The following PKHD1 variants were observed in gnomAD, a reference collection of about 807,000 sequenced individuals.
PKHD1 encodes the protein fibrocystin.
In PKHD1, 291 loss-of-function variants were observed where a neutral mutation model predicts 412.0. The ratio of observed to expected loss-of-function variants is 0.71; its 90% confidence interval spans 0.64 to 0.78. The LOEUF (loss-of-function observed/expected upper bound fraction) is 0.78. Among genes scored for constraint, PKHD1 ranks in the 30% least tolerant of loss-of-function variants. The pLI is 0.00. For missense variants in PKHD1, 4,825 were observed against 4,950.7 expected, an observed-to-expected ratio of 0.97 and a Z score of 0.76; for synonymous variants, 1,777 against 1,821.5, an observed-to-expected ratio of 0.98 and a Z score of 0.62.
chr6:51,701,677 T>C (rs900437470), intron 60 of PKHD1, among the ~76,000 whole-genome samples: 2 of 152,040 alleles, frequency 1.3e-5, no homozygotes, highest in African/African-American at 2.4e-5. Context: ...GAAATAGATA[T>C]AGGTGAGACA....
chr6:51,733,732 T>C (rs1783508548), intron 60 of PKHD1, among the ~76,000 whole-genome samples: 1 of 152,184 alleles, frequency 6.6e-6, no homozygotes, highest in African/African-American at 2.4e-5. Flanking sequence ...TCTTTGAATA[T>C]GTAAAATGCT....
At chr6:51,763,916 T>C (rs1212220058) in intron 55 of PKHD1, among the ~76,000 whole-genome samples, 1 of 151,844 alleles carries the variant, frequency 6.6e-6, no homozygotes, top group African/African-American at 2.4e-5. Context: ...CTACAACAGC[T>C]TCACAATGCT....
intron 36 of PKHD1, among the ~76,000 whole-genome samples, chr6:51,945,935 A>C (rs1789393723): frequency 6.6e-6 from 1 of 152,216 alleles, no homozygotes; most frequent in South Asian, 2.1e-4. Flanking sequence ...TTAAGGAAAA[A>C]CATGTGTGAA....
At chr6:52,041,921 A>C (rs2128180387) in intron 27 of PKHD1, among the ~76,000 whole-genome samples, 1 of 152,322 alleles carries the variant, frequency 6.6e-6, no homozygotes, top group Middle Eastern at 3.4e-3. Context: ...GTTTGCCTTA[A>C]GGTGGAGGGA....
Position 51,672,561 on chromosome 6 carries a change from G to T in PKHD1, c.10157-12592C>A, listed in dbSNP as rs1581990012. Among the ~76,000 whole-genome samples the T allele has an allele frequency of 2.0e-5, 3 of 152,192 alleles. No individual in the cohort carries two copies. In the East Asian group the frequency reaches 5.8e-4, roughly 29 times the overall value. ...GAAAATTTAGTCTGCCCGTGTTGTG[G>T]AGAATGTATGAGTACATGCTTTGGC... On this transcript the variant is annotated intron_variant, in intron 60 of 66. Coordinates refer to ENST00000371117, the MANE Select transcript of PKHD1 (RefSeq NM_138694.4).
Position 51,911,676 on chromosome 6 carries a change from G to T in PKHD1, c.6490+123C>A, listed in dbSNP as rs1020685599. The T allele has an allele frequency of 3.6e-5, 30 of 828,316 alleles. No individual in the cohort carries two copies. In the African/African-American group the frequency reaches 4.2e-4, roughly 12 times the overall value. The allele number at this position is 828,316 out of a possible 1,614,324, so 51.3% of individuals were successfully genotyped here. A position where few individuals can be genotyped will look rare whatever the true frequency, so the allele number is the denominator to read the frequency against. On this transcript the variant is annotated intron_variant, in intron 39 of 66. Transcript: ENST00000371117. ...TTCTGAAAACTACAGAAAAGTATGGGCATCCAAAGTTTAAGGGCTTATTCT... is the reference window on the plus strand; with the variant it reads ...TTCTGAAAACTACAGAAAAGTATGGTCATCCAAAGTTTAAGGGCTTATTCT...
chr6:51,911,626 G>A (rs1458869299), intron 39 of PKHD1, among the ~76,000 whole-genome samples, 173 bp downstream of exon 39: 1 of 151,886 alleles, frequency 6.6e-6, no homozygotes. Flanking sequence ...GGGCAGAGAG[G>A]AGGATGAAAT....
intron 13 of PKHD1, among the ~76,000 whole-genome samples, chr6:52,064,338 GTGCTC>G (rs1226549408): frequency 6.6e-6 from 1 of 152,180 alleles, no homozygotes. Context: ...CTCCAGTATT[GTGCTC>G]TTAATTTGCT....
rs1383251442 is a variant in PKHD1 at position 51,659,589 on chromosome 6, T to A, written c.10537A>T (p.Ser3513Cys). Residue 3513 changes from serine to cysteine, a missense_variant, in exon 61 of 67, where the codon AGT becomes TGT. Coordinates refer to ENST00000371117, the MANE Select transcript of PKHD1 (RefSeq NM_138694.4). ...TGAACCAGAGTGGGTGGAATAAAACTTTCCCCTAAGAAGACGTGGGGGCTC... is the reference window on the plus strand; with the variant it reads ...TGAACCAGAGTGGGTGGAATAAAACATTCCCCTAAGAAGACGTGGGGGCTC... Reference protein sequence around the residue: ...LQSPHVFLGESFIPPTLVQSA... With the variant: ...LQSPHVFLGECFIPPTLVQSA... 1 of 1,613,704 alleles carries A rather than the reference T, an allele frequency of 6.2e-7. No individual in the cohort carries two copies.
chr6:51,705,289 A>G (rs949111485), intron 60 of PKHD1, among the ~76,000 whole-genome samples: 3 of 152,084 alleles, frequency 2.0e-5, no homozygotes, highest in African/African-American at 7.2e-5. Flanking sequence ...CAGAGATCAT[A>G]AAGTAAGGAC....
chr6:51,648,567 C>G (rs1770438362), intron 62 of PKHD1, among the ~76,000 whole-genome samples: 2 of 152,110 alleles, frequency 1.3e-5, no homozygotes, highest in Non-Finnish European at 2.9e-5. Flanking sequence ...GCCAATTCAA[C>G]AATCATAGTT....
chr6:51,837,974 G>A (rs944046899), intron 50 of PKHD1, among the ~76,000 whole-genome samples: 2 of 152,064 alleles, frequency 1.3e-5, no homozygotes, highest in African/African-American at 4.8e-5. Flanking sequence ...TGCTTAAATT[G>A]TTCCTTCACC....
At chr6:51,935,871 G>A (rs187385773) in intron 36 of PKHD1, among the ~76,000 whole-genome samples, 2 of 152,304 alleles carry the variant, frequency 1.3e-5, no homozygotes, top group African/African-American at 4.8e-5. Context: ...TTATCGGAAT[G>A]TTCTGATATT....
chr6:51,872,289 C>T (rs1006537189), intron 46 of PKHD1, among the ~76,000 whole-genome samples: 7 of 152,042 alleles, frequency 4.6e-5, no homozygotes, highest in Non-Finnish European at 1.0e-4. Flanking sequence ...AGAAAAAGAG[C>T]CACAGCAAAG....
chr6:52,050,168 G>A lies in PKHD1; in HGVS notation c.2268C>T (p.Leu756=), dbSNP rs1806569283. 1 of 1,614,158 alleles carries A rather than the reference G, an allele frequency of 6.2e-7. No homozygotes were observed. ...WLAGCGTELP[L]ITARSVPTEG... is the part of the protein sequence containing the mutation. ...AAGCCACTCCTTACCGTGCAGTGAT[G>A]AGCGGGAGCTCCGTGCCACACCCCG... is the stretch of plus-strand genomic sequence containing the variant. Residue 756 remains leucine, a synonymous_variant, in exon 22 of 67, where the codon CTC becomes CTT. Coordinates refer to ENST00000371117, the MANE Select transcript of PKHD1 (RefSeq NM_138694.4).
intron 55 of PKHD1, among the ~76,000 whole-genome samples, chr6:51,769,951 T>C (rs1789788661): frequency 6.6e-6 from 1 of 151,664 alleles, no homozygotes; most frequent in Non-Finnish European, 1.5e-5. Context: ...TTAAGATTGT[T>C]GGTTTATATT....
intron 35 of PKHD1, among the ~76,000 whole-genome samples, chr6:51,986,822 CAGG>C (rs1796273925): frequency 6.6e-6 from 1 of 152,170 alleles, no homozygotes; most frequent in South Asian, 2.1e-4. Flanking sequence ...ATGACACCGC[CAGG>C]AGTTTTGTCC....
intron 52 of PKHD1, among the ~76,000 whole-genome samples, chr6:51,797,919 G>T (rs1255769001): frequency 6.6e-6 from 1 of 152,166 alleles, no homozygotes; most frequent in East Asian, 1.9e-4. Flanking sequence ...GTGTATTTCA[G>T]TGTGTTTTTG....
chr6:51,922,331 G>A (rs1241950616), intron 37 of PKHD1, among the ~76,000 whole-genome samples: 1 of 152,198 alleles, frequency 6.6e-6, no homozygotes, highest in Admixed American at 6.5e-5. Context: ...TCATCTCAGA[G>A]GGGCACCCAG....
Sources: allele counts gnomAD v4.1 joint callset (sites outside exome capture counted in the v4.1 genomes callset), GRCh38; gene constraint gnomAD v4.1.1; transcripts MANE v1.5; gene names NCBI Gene and HGNC (gene_info 2026-07-23, HGNC 2026-07-21).